Variants in PITRM1 observed in about 807,000 individuals in gnomAD.
PITRM1 encodes presequence protease, mitochondrial.
Under a neutral mutation model 129.9 loss-of-function variants are expected in PITRM1, and 100 were observed. The ratio of observed to expected loss-of-function variants is 0.77; its 90% confidence interval spans 0.65 to 0.91. PITRM1 has a LOEUF of 0.91. PITRM1 is among the 40% of genes least tolerant of loss of function. PITRM1 has a pLI of 0.00. For synonymous variants in PITRM1, 591 were observed against 508.8 expected, an observed-to-expected ratio of 1.16 and a Z score of -2.17; for missense variants, 1,471 against 1,318.3, an observed-to-expected ratio of 1.12 and a Z score of -1.79.
chr10:3,171,685 C>A (rs1277261576), intron 1 of PITRM1, among the ~76,000 whole-genome samples: 1 of 152,178 alleles, frequency 6.6e-6, no homozygotes, highest in African/African-American at 2.4e-5. Flanking sequence ...GTGGTCTGCC[C>A]GCCTTGGCCT....
chr10:3,140,879 G>C, intron 23 of PITRM1, 67 bp from the exon 24 acceptor site: 2 of 1,257,752 alleles, frequency 1.6e-6, no homozygotes, highest in Admixed American at 4.3e-5. Context: ...TGAAGTAATT[G>C]TTGGATTAAG....
At position 3,138,760 on chromosome 10, in the gene PITRM1, G is replaced by T. The variant is rs184091858; in HGVS notation, c.2917+144C>A. ...CCGGATGTCAGGAAGCGTGTTTAGG[G>T]TGTCAGACGTGGAAATCGTATCACA... On this transcript the variant is annotated intron_variant, in intron 25 of 26. Transcript: ENST00000224949. The T allele has an allele frequency of 1.5e-4, 123 of 833,626 alleles. 2 individuals are homozygous for T. The East Asian group carries it at 2.6e-3, about 18-fold the overall frequency. The allele number at this position is 833,626 out of a possible 1,614,324, so 51.6% of individuals were successfully genotyped here. A position where few individuals can be genotyped will look rare whatever the true frequency, so the allele number is the denominator to read the frequency against.
intron 13 of PITRM1, 146 bp from the exon 14 acceptor site, chr10:3,155,875 G>A: frequency 2.2e-6 from 2 of 897,394 alleles, no homozygotes; most frequent in East Asian, 2.7e-5. Context: ...CGCACCTCAA[G>A]AGTTGTTTTG....
At chr10:3,161,286 A>G (rs1842420499) in intron 7 of PITRM1, among the ~76,000 whole-genome samples, 2 of 152,258 alleles carry the variant, frequency 1.3e-5, no homozygotes, top group Admixed American at 6.5e-5. Context: ...GTACAGTAAT[A>G]TAGTAATCCA....
chr10:3,146,124 A>G (rs761605730), intron 20 of PITRM1: 5 of 178,068 alleles, frequency 2.8e-5, no homozygotes, highest in Non-Finnish European at 4.8e-5. Flanking sequence ...AGAACATTAT[A>G]AACTGCAAAA....
At position 3,159,035 on chromosome 10, in the gene PITRM1, C is replaced by G. The variant is rs1404264354; in HGVS notation, c.1015G>C (p.Asp339His). 2 of 1,609,308 alleles carry G rather than the reference C, an allele frequency of 1.2e-6. No individual in the cohort carries two copies. Among genetic ancestry groups the G allele is most frequent in the Non-Finnish European group, 1.7e-6 (2 of 1,178,180 alleles). Residue 339 changes from aspartate to histidine, a missense_variant, in exon 10 of 27, where the codon GAC becomes CAC. Physicochemically the swap from Asp to His is moderately conservative, Grantham distance 81. Transcript: ENST00000224949. ...CTTAATGTGAAGGCTTCAAATGTGTCGGTGATGCTGCATTGAAAAAAAAAG... is the reference window on the plus strand; with the variant it reads ...CTTAATGTGAAGGCTTCAAATGTGTGGGTGATGCTGCATTGAAAAAAAAAG... ...SVSFLLPDIT[D>H]TFEAFTLSLL...
rs780410490 is a variant in PITRM1, at chr10:3,149,646, G to A, written c.1846C>T (p.Pro616Ser). The stretch of plus-strand genomic sequence containing the variant: ...TTGGTGAGGACGCTGCAGAAGAGGG[G>A]CACATAGGGCCTCAGCTCCTCGGGG... ...TLPEELRPYV[P>S]LFCSVLTKLG... Residue 616 changes from proline (P) to serine (S), a missense_variant, in exon 16 of 27, where the codon CCC becomes TCC. Transcript: ENST00000224949. 1.9e-6 allele frequency: 3 copies of A among 1,586,450 alleles called. No homozygotes were observed. The highest frequency in any genetic ancestry group is 1.9e-5 in the Admixed American group (1 of 53,032).
In PITRM1 at chr10:3,172,761, G is replaced by A. The variant is rs767862216; in HGVS notation, c.12C>T (p.Cys4=). Residue 4 remains cysteine, a synonymous_variant, in exon 1 of 27, where the codon TGC becomes TGT. Coordinates refer to ENST00000224949, the MANE Select transcript of PITRM1 (RefSeq NM_014889.4). ...GCACACACAGGCCCTGCCGCCCGCC[G>A]CAGCGCCACATTGCGCATGACGAGC... MWR[C]GGRQGLCVLR... The A allele has an allele frequency of 2.6e-6, 4 of 1,546,380 alleles. No individual in the cohort carries two copies. Among genetic ancestry groups the A allele is most frequent in the Non-Finnish European group, 3.5e-6 (4 of 1,145,402 alleles).
Position 3,143,510 on chromosome 10 carries a change from C to G in PITRM1, c.2533-9G>C, listed in dbSNP as rs370393251. 7 of 1,584,284 alleles carry G rather than the reference C, an allele frequency of 4.4e-6. No homozygotes were observed. In the East Asian group the frequency reaches 1.6e-4, roughly 35 times the overall value. ...GGCTTGAAGGTGGGTTCCTGAGGGA[C>G]ACGGTATGGTCAGAGGCGGCTGTGC... On this transcript the variant is annotated splice_polypyrimidine_tract_variant and intron_variant, in intron 22 of 26. Coordinates refer to ENST00000224949, the MANE Select transcript of PITRM1 (RefSeq NM_014889.4).
At chr10:3,162,511 G>A (rs1842536742) in intron 7 of PITRM1, among the ~76,000 whole-genome samples, 1 of 152,220 alleles carries the variant, frequency 6.6e-6, no homozygotes, top group Non-Finnish European at 1.5e-5. Context: ...TGTGGCTGAA[G>A]GGAAAAAGCA....
chr10:3,160,751 T>G (rs1842377331), intron 7 of PITRM1, among the ~76,000 whole-genome samples: 1 of 149,342 alleles, frequency 6.7e-6, no homozygotes, highest in African/African-American at 2.5e-5. Context: ...CCACCACACT[T>G]GGTTTTGGTG....
At chr10:3,158,499 G>A (rs10903976) in intron 10 of PITRM1, among the ~76,000 whole-genome samples, 29,216 of 152,008 alleles carry the variant, frequency 0.19, 3,446 homozygotes, top group Non-Finnish European at 0.27. Flanking sequence ...GCAGTGAGCC[G>A]AGATCGCGTC....
chr10:3,170,766 T>A (rs2132530928), intron 1 of PITRM1, among the ~76,000 whole-genome samples: 2 of 152,074 alleles, frequency 1.3e-5, no homozygotes, highest in East Asian at 1.9e-4. Flanking sequence ...GAGGCCTGGG[T>A]GGGCGGATCA....
In PITRM1 at chr10:3,159,917, CAT is replaced by C. The variant is rs763370956; in HGVS notation, c.936_937del (p.Cys313TrpfsTer11). ...ATCTGTAGCAAATGAATCCGGGCCA[CAT>C]GTTATCTGGAATTCCCTCTGTAAAA... On this transcript the variant is annotated frameshift_variant, in exon 9 of 27. Coordinates refer to ENST00000224949, the MANE Select transcript of PITRM1 (RefSeq NM_014889.4). LOFTEE classifies it high-confidence loss of function. 6.2e-6 allele frequency: 10 copies of C among 1,601,632 alleles called. No individual in the cohort carries two copies. Among genetic ancestry groups the C allele is most frequent in the Non-Finnish European group, 8.5e-6 (10 of 1,173,022 alleles).
intron 25 of PITRM1, 127 bp from the exon 26 acceptor site, chr10:3,138,464 G>T: frequency 1.4e-6 from 1 of 704,986 alleles, no homozygotes; most frequent in South Asian, 1.6e-5. Flanking sequence ...CAACCACAGG[G>T]ATGTGTCTAA....
rs1365298421 is a variant in PITRM1, at chr10:3,138,087, T to C, written c.3058A>G (p.Ile1020Val). Residue 1020 changes from isoleucine to valine, a missense_variant, in exon 27 of 27, where the codon ATC becomes GTC. Transcript: ENST00000224949. ...ATTTTCGGGTTCTCGGGTCCGAGGA[T>C]GGCCAGGCCGTGTGTGCTCTTCCCA... ...GTGKSTHGLA[I>V]LGPENPKIAK... 1 of 1,610,888 alleles carries C rather than the reference T, an allele frequency of 6.2e-7. No homozygotes were observed. The highest frequency in any genetic ancestry group is 8.5e-7 in the Non-Finnish European group (1 of 1,178,742).
Position 3,139,029 on chromosome 10 carries a change from G to A in PITRM1, c.2792C>T (p.Thr931Met), listed in dbSNP as rs187308159. 71 of 1,613,812 alleles carry A rather than the reference G, an allele frequency of 4.4e-5. No individual in the cohort carries two copies. In the East Asian group the frequency reaches 5.3e-4, roughly 12 times the overall value. Residue 931 changes from threonine (T) to methionine (M), a missense_variant, in exon 25 of 27, where the codon ACG becomes ATG. Coordinates refer to ENST00000224949, the MANE Select transcript of PITRM1 (RefSeq NM_014889.4). ...GACAGCCTTCCCAAAAGACTGGAGC[G>A]TCTCTATTGTATTTGGGTCCCTAGG... ...YSYRDPNTIE[T>M]LQSFGKAVDW...
rs1055309653 is a variant in PITRM1, at chr10:3,146,848, C to T, written c.2336+302G>A. On this transcript the variant is annotated intron_variant, in intron 20 of 26. Coordinates refer to ENST00000224949, the MANE Select transcript of PITRM1 (RefSeq NM_014889.4). Reference sequence around the variant, plus strand: ...GAAACTGCACTTTTACTCTGGTCTTCAGCAAGCTCACCTTTACAGATACCT... The same window carrying T: ...GAAACTGCACTTTTACTCTGGTCTTTAGCAAGCTCACCTTTACAGATACCT... 4.7e-5 allele frequency: 9 copies of T among 192,058 alleles called. No individual in the cohort carries two copies. The Admixed American group carries it at 5.1e-4, about 11-fold the overall frequency. The allele number at this position is 192,058 out of a possible 1,614,324, so 11.9% of individuals were successfully genotyped here.
intron 9 of PITRM1, among the ~76,000 whole-genome samples, chr10:3,159,543 T>C (rs1298540948): frequency 1.3e-5 from 2 of 152,258 alleles, no homozygotes; most frequent in Non-Finnish European, 2.9e-5. Context: ...AAGGGACCTG[T>C]GACCTCAAAA....
Sources: allele counts gnomAD v4.1 joint callset (sites outside exome capture counted in the v4.1 genomes callset), GRCh38; gene constraint gnomAD v4.1.1; transcripts MANE v1.5; gene names NCBI Gene and HGNC (gene_info 2026-07-23, HGNC 2026-07-21).